Variants in HAPSTR1 observed in about 807,000 individuals in gnomAD.
HAPSTR1 encodes HUWE1-associated protein modifying stress responses 1.
the HAPSTR1 span, chr16:9,113,038 T>TA: frequency 7.1e-6 from 1 of 140,724 alleles, no homozygotes; most frequent in East Asian, 2.0e-4. Flanking sequence ...TTTTTTTTTG[T>TA]TTTTTTTTTA....
the HAPSTR1 span, chr16:9,119,572 A>G: frequency 3.3e-5 from 5 of 152,338 alleles, no homozygotes; most frequent in African/African-American, 9.6e-5. Context: ...AATATTTTTT[A>G]GAGCAAAATT....
the HAPSTR1 span, chr16:9,106,158 C>G: frequency 6.6e-6 from 1 of 152,106 alleles, no homozygotes; most frequent in Non-Finnish European, 1.5e-5. Context: ...CCTATAATGC[C>G]GGCACTTTGG....
chr16:9,099,627 T>C, the HAPSTR1 span, among the ~76,000 whole-genome samples: 1 of 152,176 alleles, frequency 6.6e-6, no homozygotes, highest in Non-Finnish European at 1.5e-5. Context: ...TTCTGTAAAA[T>C]AGTGTTGGAC....
At chr16:9,114,633 A>G in the HAPSTR1 span, among the ~76,000 whole-genome samples, 1 of 152,004 alleles carries the variant, frequency 6.6e-6, no homozygotes. Context: ...AGAGAGAGAA[A>G]CTGTTCAAAG....
At chr16:9,116,345 T>C in the HAPSTR1 span, among the ~76,000 whole-genome samples, 12 of 152,230 alleles carry the variant, frequency 7.9e-5, no homozygotes, top group Non-Finnish European at 1.6e-4. Context: ...CCTGTCCTTA[T>C]CTGTAAATTT....
the HAPSTR1 span, chr16:9,117,170 CAT>C: frequency 4.8e-5 from 22 of 458,600 alleles, no homozygotes; most frequent in African/African-American, 2.8e-4. Context: ...CATAGGCAAA[CAT>C]ATATCCGTTC....
At chr16:9,100,315 C>G in the HAPSTR1 span, among the ~76,000 whole-genome samples, 3 of 152,140 alleles carry the variant, frequency 2.0e-5, no homozygotes, top group African/African-American at 4.8e-5. Context: ...TCCCGATGTT[C>G]AAATCTGTGA....
At chr16:9,092,158 G>A in the HAPSTR1 span, 1 of 1,565,488 alleles carries the variant, frequency 6.4e-7, no homozygotes, top group Admixed American at 1.9e-5. Context: ...ACGAGCAGCT[G>A]CCCCCCGAGC....
chr16:9,092,314 C>T, the HAPSTR1 span: 2 of 1,432,606 alleles, frequency 1.4e-6, no homozygotes, highest in Non-Finnish European at 9.2e-7. Flanking sequence ...GCCGCCCCCG[C>T]CCGGGCCCGG....
At chr16:9,120,811 G>T in the HAPSTR1 span, 1 of 150,904 alleles carries the variant, frequency 6.6e-6, no homozygotes, top group Non-Finnish European at 1.5e-5. Flanking sequence ...CCGAGTAGCT[G>T]GTATTACAGG....
the HAPSTR1 span, among the ~76,000 whole-genome samples, chr16:9,093,710 A>C: frequency 2.6e-5 from 4 of 152,196 alleles, no homozygotes; most frequent in Admixed American, 2.0e-4. Context: ...TCCTTTCTGG[A>C]GTTAATCCCC....
the HAPSTR1 span, chr16:9,091,982 C>T: frequency 7.6e-7 from 1 of 1,319,480 alleles, no homozygotes; most frequent in Non-Finnish European, 9.8e-7. Context: ...GACGCTCCCG[C>T]GGGGGCCCCG....
the HAPSTR1 span, chr16:9,092,032 G>C: frequency 1.3e-6 from 2 of 1,495,222 alleles, no homozygotes; most frequent in Non-Finnish European, 1.8e-6. Context: ...GAGGCCGCGG[G>C]AGGCCGCGGA....
chr16:9,107,349 G>A, the HAPSTR1 span: 3 of 152,192 alleles, frequency 2.0e-5, no homozygotes, highest in South Asian at 4.1e-4. Context: ...TTCTATTCAC[G>A]TCATGAATGT....
the HAPSTR1 span, among the ~76,000 whole-genome samples, chr16:9,099,232 G>A: frequency 1.3e-5 from 2 of 150,402 alleles, no homozygotes; most frequent in South Asian, 2.1e-4. Context: ...GGAGTCTTGC[G>A]TGTCACCCAG....
the HAPSTR1 span, among the ~76,000 whole-genome samples, chr16:9,093,910 T>G: frequency 1.3e-5 from 2 of 152,088 alleles, no homozygotes; most frequent in East Asian, 3.8e-4. Flanking sequence ...AATATGTAAT[T>G]AAATGTTTTC....
chr16:9,101,459 C>G, the HAPSTR1 span, among the ~76,000 whole-genome samples: 1 of 152,252 alleles, frequency 6.6e-6, no homozygotes, highest in Non-Finnish European at 1.5e-5. Flanking sequence ...TGAATGCACT[C>G]TATAGCATAT....
the HAPSTR1 span, chr16:9,091,989 C>T: frequency 1.5e-6 from 2 of 1,368,686 alleles, no homozygotes; most frequent in Non-Finnish European, 1.9e-6. Context: ...CCGCGGGGGC[C>T]CCGCCTGAGG....
chr16:9,120,488 C>T, the HAPSTR1 span: 2 of 117,494 alleles, frequency 1.7e-5, no homozygotes, highest in South Asian at 5.1e-4. Context: ...ATAATGGGAT[C>T]TGCAGGCTCC....
Sources: allele counts gnomAD v4.1 joint callset (sites outside exome capture counted in the v4.1 genomes callset), GRCh38; gene constraint gnomAD v4.1.1; transcripts MANE v1.5; gene names NCBI Gene and HGNC (gene_info 2026-07-23, HGNC 2026-07-21).